The following CTU1 variants were observed in gnomAD, a reference collection of about 807,000 sequenced individuals.
CTU1 encodes cytoplasmic tRNA 2-thiolation protein 1.
CTU1 carries 15 observed loss-of-function variants against 12.9 expected under a neutral mutation model. The observed-to-expected ratio is 1.16, with a 90% confidence interval of 0.78 to 1.79. CTU1 has a LOEUF of 1.79. CTU1 is among the 40% of genes most tolerant of loss of function. The pLI is 0.00. For missense variants in CTU1, 553 were observed against 550.5 expected (o/e 1.00, Z -0.05); for synonymous variants, 295 against 275.6 (o/e 1.07, Z -0.70).
At chr19:51,101,121 T>C (rs139280924) in intron 2 of CTU1, among the ~76,000 whole-genome samples, 361 of 152,204 alleles carry the variant, frequency 2.4e-3, no homozygotes, top group Non-Finnish European at 3.5e-3. Context: ...ATTTTTGTAT[T>C]TCTATACAGA....
In CTU1 at chr19:51,099,039, C is replaced by G. The variant is rs983327903; in HGVS notation, c.609G>C (p.Glu203Asp). The change falls in exon 3 of 3, where the codon GAG (glutamate) becomes GAC (aspartate). Residue 203 changes from glutamate (E) to aspartate (D), a missense_variant. Physicochemically the swap from Glu to Asp is conservative, Grantham distance 45. Transcript: ENST00000421832. ...GGCGGCAGCGCGGCAGGGCGCCCCC[C>G]TCGCCGGGAGAGCCCAGGCCCCCGC... ...ARGGGLGSPG[E>D]GGALPRCRPL... 2.0e-6 allele frequency: 3 copies of G among 1,511,486 alleles called. No individual in the cohort carries two copies. Among genetic ancestry groups the G allele is most frequent in the African/African-American group, 2.8e-5 (2 of 70,408 alleles). 93.6% of individuals were successfully genotyped at this position (1,511,486 alleles called of 1,614,324 possible). A position where few individuals can be genotyped will look rare whatever the true frequency, so the allele number is the denominator to read the frequency against.
intron 1 of CTU1, among the ~76,000 whole-genome samples, chr19:51,106,662 T>G (rs924966569): frequency 4.7e-5 from 7 of 149,564 alleles, no homozygotes; most frequent in Non-Finnish European, 8.9e-5. Flanking sequence ...TGTACCACCA[T>G]GCCTGGCTAA....
At position 51,104,316 on chromosome 19, in the gene CTU1, A is replaced by G. The variant is rs1341966608; in HGVS notation, c.254T>C (p.Val85Ala). The change falls in exon 2 of 3, where the codon GTG becomes GCG. Residue 85 changes from valine (V) to alanine (A), a missense_variant. Physicochemically the swap from Val to Ala is moderately conservative, Grantham distance 64. This residue lies in a region of CTU1 where 500 missense variants were observed against 458.5 expected (regional missense o/e 1.09). Coordinates refer to ENST00000421832, the MANE Select transcript of CTU1 (RefSeq NM_145232.4). ...GCCACCGATGCCCTCATCGACGGCC[A>G]CGAGCTGCAGTGAGATGCCCAGGCG... ...APRLGISLQL[V>A]AVDEGIGGYR... 29 of 1,490,070 alleles carry G rather than the reference A, an allele frequency of 1.9e-5. No individual in the cohort carries two copies. The highest frequency in any genetic ancestry group is 6.5e-5 in the Admixed American group (3 of 46,426). The allele number at this position is 1,490,070 out of a possible 1,614,324, so 92.3% of individuals were successfully genotyped here.
Position 51,097,700 on chromosome 19 carries a change from G to A in CTU1, c.*901C>T, listed in dbSNP as rs2091893604. The A allele has an allele frequency of 6.6e-6, 1 of 150,466 alleles. No individual in the cohort carries two copies. The highest frequency in any genetic ancestry group is 1.5e-5 in the Non-Finnish European group (1 of 67,442). 9.3% of individuals were successfully genotyped at this position (150,466 alleles called of 1,614,324 possible). ...ATGCGGGGGGGATGGGGGGGCGGGG[G>A]GGAAGGGGGCTGATTATATTTTCAT... On this transcript the variant is annotated 3_prime_UTR_variant, in exon 3 of 3. Coordinates refer to ENST00000421832, the MANE Select transcript of CTU1 (RefSeq NM_145232.4).
chr19:51,098,390 C>A lies in CTU1; in HGVS notation c.*211G>T, dbSNP rs1384537085. 2 of 383,196 alleles carry A rather than the reference C, an allele frequency of 5.2e-6. No individual in the cohort carries two copies. The highest frequency in any genetic ancestry group is 4.2e-5 in the African/African-American group (2 of 47,396). The allele number at this position is 383,196 out of a possible 1,614,324, so 23.7% of individuals were successfully genotyped here. A position where few individuals can be genotyped will look rare whatever the true frequency, so the allele number is the denominator to read the frequency against. ...TAGGATGGTCCCCCAGCCCCCTCCT[C>A]CCTCAGAGCCTGAAGCCCAGTTCGA... is the stretch of plus-strand genomic sequence containing the variant. On this transcript the variant is annotated 3_prime_UTR_variant, in exon 3 of 3. Transcript: ENST00000421832. This position sits in a 1 kb window ranked among gnomAD's most constrained non-coding sequence, Gnocchi z 4.3.
chr19:51,099,189 T>C (rs569995689), intron 2 of CTU1, 50 bp from the exon 3 acceptor site: 1 of 1,502,654 alleles, frequency 6.7e-7, no homozygotes, highest in South Asian at 1.2e-5. Flanking sequence ...AGGGCGCTGC[T>C]GGCCAGGGAG....
chr19:51,100,507 G>A (rs1008072492), intron 2 of CTU1, among the ~76,000 whole-genome samples: 2 of 152,142 alleles, frequency 1.3e-5, no homozygotes, highest in Non-Finnish European at 2.9e-5. Flanking sequence ...GCTGAGGCAT[G>A]AGAATCTCTT....
intron 2 of CTU1, among the ~76,000 whole-genome samples, chr19:51,099,936 C>G (rs1285885177): frequency 1.3e-5 from 2 of 151,972 alleles, no homozygotes; most frequent in Non-Finnish European, 2.9e-5. Flanking sequence ...TCACAAAGAC[C>G]CTTAGAGGGG....
chr19:51,099,301 AC>A (rs1276169178), intron 2 of CTU1, among the ~76,000 whole-genome samples, 162 bp from the exon 3 acceptor site: 1 of 151,988 alleles, frequency 6.6e-6, no homozygotes, highest in African/African-American at 2.4e-5. Flanking sequence ...CCAGAGAGAG[AC>A]GGCGACGGGG....
rs1297724802 is a variant in CTU1, at chr19:51,104,171, G to T, written c.399C>A (p.Ser133Arg). The change falls in exon 2 of 3, where the codon AGC (serine) becomes AGA (arginine). Residue 133 changes from serine (S) to arginine (R), a missense_variant. Around this residue, in one of 2 missense-constraint regions of CTU1, gnomAD observed 500 missense variants for 458.5 expected, o/e 1.09. Transcript: ENST00000421832. Reference sequence around the variant, plus strand: ...AGCGGCTGCGGCCGGAGCCGGCTGTGCTGCGGGCCACGGCGTCCATCGTCC... The same window carrying T: ...AGCGGCTGCGGCCGGAGCCGGCTGTTCTGCGGGCCACGGCGTCCATCGTCC... ...GGWTMDAVAR[S>R]TAGSGRSRSC... The T allele has an allele frequency of 3.9e-6, 6 of 1,522,264 alleles. No individual in the cohort carries two copies. The South Asian group carries it at 7.3e-5, about 18-fold the overall frequency. The allele number at this position is 1,522,264 out of a possible 1,614,324, so 94.3% of individuals were successfully genotyped here.
At chr19:51,105,047 G>A (rs566700143) in intron 1 of CTU1, among the ~76,000 whole-genome samples, 2 of 152,192 alleles carry the variant, frequency 1.3e-5, no homozygotes, top group Non-Finnish European at 2.9e-5. Flanking sequence ...GAGGTGAGGG[G>A]TTTTTGACTC....
intron 2 of CTU1, 23 bp from the exon 3 acceptor site, chr19:51,099,162 G>A: frequency 6.4e-7 from 1 of 1,560,228 alleles, no homozygotes; most frequent in South Asian, 1.2e-5. Flanking sequence ...GAAGGGAGCG[G>A]GTGAGGTGGG....
At chr19:51,103,908 ACCTCCGTACAGGGAT>A (rs2091912876) in intron 2 of CTU1, among the ~76,000 whole-genome samples, 139 bp downstream of exon 2, 3 of 152,082 alleles carry the variant, frequency 2.0e-5, no homozygotes, top group African/African-American at 7.2e-5. Flanking sequence ...GCCCTTCCGC[ACCTCCGTACAGGGAT>A]CCTCCCATTA....
chr19:51,099,447 A>C lies in CTU1; in HGVS notation c.509-308T>G, dbSNP rs2091901997. Among the ~76,000 whole-genome samples, 3 of 152,132 alleles carry C rather than the reference A, an allele frequency of 2.0e-5. No homozygotes were observed. The South Asian group carries it at 6.2e-4, about 31-fold the overall frequency. On this transcript the variant is annotated intron_variant, in intron 2 of 2. Transcript: ENST00000421832. ...GACGCAGAGAGAGACGGGGAGGGCA[A>C]GAGCGAGCCATGGAGACCCTCCGGG... is the stretch of plus-strand genomic sequence containing the variant.
intron 2 of CTU1, among the ~76,000 whole-genome samples, chr19:51,101,286 CAGTG>C (rs1323466584): frequency 6.6e-6 from 1 of 152,146 alleles, no homozygotes; most frequent in Non-Finnish European, 1.5e-5. Flanking sequence ...TTAGAAGTAA[CAGTG>C]AGAAATATTT....
At chr19:51,103,446 G>T (rs894299310) in intron 2 of CTU1, among the ~76,000 whole-genome samples, 4 of 152,176 alleles carry the variant, frequency 2.6e-5, no homozygotes, top group Admixed American at 1.3e-4. Context: ...TTAGCTGGGC[G>T]TGGTGGCAGG....
At position 51,104,106 on chromosome 19, in the gene CTU1, A is replaced by G. The variant is rs757316701; in HGVS notation, c.464T>C (p.Leu155Pro). 2.0e-5 allele frequency: 29 copies of G among 1,477,504 alleles called. No homozygotes were observed. Among genetic ancestry groups the G allele is most frequent in the Non-Finnish European group, 2.6e-5 (29 of 1,130,612 alleles). The allele number at this position is 1,477,504 out of a possible 1,614,324, so 91.5% of individuals were successfully genotyped here. A position where few individuals can be genotyped will look rare whatever the true frequency, so the allele number is the denominator to read the frequency against. ...TCCCACGCGGCGCGCCCCTTCCTCC[A>G]GCGCCCGGCGCCGCAGCACTCCACA... ...TFCGVLRRRA[L>P]EEGARRVGAT... is the part of the protein sequence containing the mutation. The change falls in exon 2 of 3, where the codon CTG becomes CCG. Residue 155 changes from leucine (L) to proline (P), a missense_variant. Coordinates refer to ENST00000421832, the MANE Select transcript of CTU1 (RefSeq NM_145232.4).
intron 2 of CTU1, among the ~76,000 whole-genome samples, chr19:51,100,088 C>T (rs954708794): frequency 1.3e-5 from 2 of 151,690 alleles, no homozygotes; most frequent in African/African-American, 4.8e-5. Context: ...ACCCAGAGAC[C>T]GGGAGAGGGA....
At chr19:51,101,681 C>T (rs1399111393) in intron 2 of CTU1, among the ~76,000 whole-genome samples, 1 of 152,230 alleles carries the variant, frequency 6.6e-6, no homozygotes, top group East Asian at 1.9e-4. Context: ...CCTGCCAAGC[C>T]CTGTGACCTT....
Sources: gnomAD v4.1 joint callset for allele counts (sites outside exome capture counted in the v4.1 genomes callset) on GRCh38, gnomAD v4.1.1 for gene constraint, gnomAD v4.1.1 regional missense constraint, Gnocchi (gnomAD v3.1) non-coding constraint, MANE v1.5 for transcripts, NCBI Gene and HGNC (gene_info 2026-07-23, HGNC 2026-07-21) for gene names.